SCGB2A1: variants seen among roughly 807,000 people sequenced by gnomAD.
The protein encoded by SCGB2A1 is mammaglobin-B.
A neutral mutation model predicts 9.2 loss-of-function variants in SCGB2A1; 6 were observed. The ratio of observed to expected loss-of-function variants is 0.66; its 90% confidence interval spans 0.36 to 1.29. SCGB2A1 has a LOEUF of 1.29. Ranked by LOEUF, SCGB2A1 falls within the 50% of genes most tolerant of loss-of-function variation. The pLI, the probability that SCGB2A1 is intolerant of heterozygous loss-of-function variation, is 0.03. For missense variants in SCGB2A1, 138 were observed against 116.9 expected (o/e 1.18, Z -0.83); for synonymous variants, 37 against 41.0 (o/e 0.90, Z 0.37).
intron 2 of SCGB2A1, among the ~76,000 whole-genome samples, chr11:62,211,010 A>G (rs1590654718): frequency 7.0e-6 from 1 of 142,670 alleles, no homozygotes; most frequent in South Asian, 2.2e-4. Context: ...TGCAACCTCC[A>G]CCTCCCGGGT....
chr11:62,213,106 A>ATATATATAT (rs67975205), intron 2 of SCGB2A1, among the ~76,000 whole-genome samples: 4,186 of 116,176 alleles, frequency 0.036, 384 homozygotes, highest in South Asian at 0.16. Context: ...ATATATATAT[A>ATATATATAT]TTTTTTTTTT....
rs866661612 is a variant in SCGB2A1 at position 62,212,847 on chromosome 11, C to T, written c.244-879C>T. ...ATCTCCTGGGCTCAAGTGATCCTCCCGCTTCAGCCTCCTGAGTAGCTGCGA... is the reference window on the plus strand; with the variant it reads ...ATCTCCTGGGCTCAAGTGATCCTCCTGCTTCAGCCTCCTGAGTAGCTGCGA... On this transcript the variant is annotated intron_variant, in intron 2 of 2. Transcript: ENST00000244930. 8.6e-5 allele frequency among the ~76,000 whole-genome samples: 13 copies of T among 151,540 alleles called. No homozygotes were observed. In the Middle Eastern group the frequency reaches 0.01, roughly 119 times the overall value.
In SCGB2A1 at chr11:62,208,771, C is replaced by T. The variant is rs1944804609; in HGVS notation, c.40C>T (p.Leu14=). 6.2e-7 allele frequency: 1 copy of T among 1,613,388 alleles called. No individual in the cohort carries two copies. The highest frequency in any genetic ancestry group is 8.5e-7 in the Non-Finnish European group (1 of 1,179,930). The change falls in exon 1 of 3, where the codon CTG becomes TTG. Residue 14 remains leucine (L), a synonymous_variant. Transcript: ENST00000244930. ...GGTCCTCATGCTGGCGGCCCTCCTC[C>T]TGCACTGCTATGCAGGTGAGTTCTG... ...LMVLMLAALL[L]HCYADSGCKL...
Position 62,210,575 on chromosome 11 carries a change from C to T in SCGB2A1, c.218C>T (p.Thr73Ile). Reference protein sequence around the residue: ...KQCFLNQSHRTLKNFGLMMHT... With the variant: ...KQCFLNQSHRILKNFGLMMHT... ...TGTTTCCTCAACCAGTCACATAGAA[C>T]TCTGAAAAACTTTGGACTGATGATG... Residue 73 changes from threonine (T) to isoleucine (I), a missense_variant, in exon 2 of 3, where the codon ACT (threonine) becomes ATT (isoleucine). Physicochemically the swap from Thr to Ile is moderately conservative, Grantham distance 89. Coordinates refer to ENST00000244930, the MANE Select transcript of SCGB2A1 (RefSeq NM_002407.3). 3 of 1,557,076 alleles carry T rather than the reference C, an allele frequency of 1.9e-6. No homozygotes were observed. Among genetic ancestry groups the T allele is most frequent in the South Asian group, 1.3e-5 (1 of 77,108 alleles).
chr11:62,212,424 C>T (rs956421543), intron 2 of SCGB2A1, among the ~76,000 whole-genome samples: 5 of 151,598 alleles, frequency 3.3e-5, no homozygotes, highest in Admixed American at 6.6e-5. Context: ...CACTTGAGGT[C>T]AGGAGTTCAA....
intron 2 of SCGB2A1, among the ~76,000 whole-genome samples, chr11:62,211,009 C>A (rs1944826626): frequency 6.6e-6 from 1 of 151,454 alleles, no homozygotes; most frequent in Admixed American, 6.6e-5. Flanking sequence ...CTGCAACCTC[C>A]ACCTCCCGGG....
In SCGB2A1 at chr11:62,208,745, T is replaced by A. The variant is rs771584447; in HGVS notation, c.14T>A (p.Met5Lys). The change falls in exon 1 of 3, where the codon ATG (methionine) becomes AAG (lysine). Residue 5 changes from methionine to lysine, a missense_variant. Transcript: ENST00000244930. ...AGCCGCCTCGCCATGAAGCTGCTGATGGTCCTCATGCTGGCGGCCCTCCTC... is the reference window on the plus strand; with the variant it reads ...AGCCGCCTCGCCATGAAGCTGCTGAAGGTCCTCATGCTGGCGGCCCTCCTC... Reference protein sequence around the residue: MKLLMVLMLAALLLH... With the variant: MKLLKVLMLAALLLH... 6.2e-7 allele frequency: 1 copy of A among 1,613,736 alleles called. No homozygotes were observed. Among genetic ancestry groups the A allele is most frequent in the South Asian group, 1.1e-5 (1 of 91,086 alleles).
At chr11:62,208,850 A>G in intron 1 of SCGB2A1, 64 bp downstream of exon 1, 1 of 1,528,206 alleles carries the variant, frequency 6.5e-7, no homozygotes, top group Non-Finnish European at 9.0e-7. Flanking sequence ...CCTGTAGAAG[A>G]ACTCCCAACC....
intron 2 of SCGB2A1, 123 bp from the exon 3 acceptor site, chr11:62,213,603 A>G: frequency 1.1e-6 from 1 of 886,600 alleles, no homozygotes; most frequent in Non-Finnish European, 1.8e-6. Context: ...CTTTGCTTCC[A>G]CTGCAAATCC....
At chr11:62,212,972 A>C (rs1283077919) in intron 2 of SCGB2A1, among the ~76,000 whole-genome samples, 1 of 150,574 alleles carries the variant, frequency 6.6e-6, no homozygotes, top group Non-Finnish European at 1.5e-5. Context: ...ATATGTACAC[A>C]TATATGTGCA....
At chr11:62,212,923 CACACATATAT>C (rs1342357257) in intron 2 of SCGB2A1, among the ~76,000 whole-genome samples, 12 of 140,768 alleles carry the variant, frequency 8.5e-5, no homozygotes, top group African/African-American at 2.0e-4. Flanking sequence ...TATATACACA[CACACATATAT>C]ACACACATAT....
chr11:62,212,973 T>TGTACACAC (rs1944844083), intron 2 of SCGB2A1, among the ~76,000 whole-genome samples: 3 of 138,760 alleles, frequency 2.2e-5, no homozygotes, highest in South Asian at 2.2e-4. Context: ...TATGTACACA[T>TGTACACAC]ATATGTGCAC....
chr11:62,210,695 A>G (rs1359426431), intron 2 of SCGB2A1, 95 bp downstream of exon 2: 1 of 937,508 alleles, frequency 1.1e-6, no homozygotes, highest in African/African-American at 1.7e-5. Context: ...CAACTGGTGA[A>G]CAAACTTTCT....
intron 2 of SCGB2A1, among the ~76,000 whole-genome samples, chr11:62,211,119 T>C (rs1447159377): frequency 1.3e-5 from 2 of 152,002 alleles, no homozygotes; most frequent in Non-Finnish European, 2.9e-5. Context: ...AGAAGGAGTT[T>C]CACCATGTTG....
intron 1 of SCGB2A1, among the ~76,000 whole-genome samples, chr11:62,209,595 G>T (rs1247096590): frequency 6.6e-6 from 1 of 151,498 alleles, no homozygotes; most frequent in East Asian, 1.9e-4. Context: ...AGTGGGAGGT[G>T]ACCTCAGATC....
At chr11:62,209,635 A>ATGTGTGTGTGTGTGTGTG (rs60357410) in intron 1 of SCGB2A1, among the ~76,000 whole-genome samples, 20 of 142,200 alleles carry the variant, frequency 1.4e-4, no homozygotes, top group East Asian at 4.5e-4. Flanking sequence ...TTTCACATTC[A>ATGTGTGTGTGTGTGTGTG]TGTGTGTGTG....
intron 2 of SCGB2A1, 108 bp from the exon 3 acceptor site, chr11:62,213,618 G>A (rs1389548284): frequency 9.4e-7 from 1 of 1,063,642 alleles, no homozygotes; most frequent in East Asian, 2.4e-5. Context: ...AAATCCTCCT[G>A]AGAGTTAGCT....
chr11:62,210,264 T>TCTGCATA, intron 1 of SCGB2A1, 149 bp from the exon 2 acceptor site: 1 of 927,272 alleles, frequency 1.1e-6, no homozygotes, highest in East Asian at 3.1e-5. Flanking sequence ...AATTGAGAAC[T>TCTGCATA]CTGCATACTG....
intron 2 of SCGB2A1, among the ~76,000 whole-genome samples, chr11:62,211,421 A>G (rs1485540879): frequency 6.6e-6 from 1 of 152,070 alleles, no homozygotes; most frequent in African/African-American, 2.4e-5. Context: ...TTTTTTTGAG[A>G]TGGAGTTTCA....
Sources: gnomAD v4.1 joint callset for allele counts (sites outside exome capture counted in the v4.1 genomes callset) on GRCh38, gnomAD v4.1.1 for gene constraint, MANE v1.5 for transcripts, NCBI Gene and HGNC (gene_info 2026-07-23, HGNC 2026-07-21) for gene names.